Variants in LRRC20 observed in about 807,000 individuals in gnomAD.
LRRC20 encodes leucine rich repeat containing 20.
Under a neutral mutation model 14.4 loss-of-function variants are expected in LRRC20, and 11 were observed. The observed-to-expected ratio is 0.77, with a 90% CI of 0.48 to 1.27. The LOEUF (loss-of-function observed/expected upper bound fraction) is 1.27. LRRC20 is among the 50% of genes most tolerant of loss of function. The probability of loss-of-function intolerance (pLI) is 0.00; values close to 1 mark genes in which losing one functional copy is unlikely to be tolerated. For synonymous variants in LRRC20, 121 were observed against 107.3 expected (o/e 1.13, Z -0.79); for missense variants, 219 against 251.2 (o/e 0.87, Z 0.87).
chr10:70,312,520 T>C lies in LRRC20; in HGVS notation c.401-11012A>G, dbSNP rs577309676. ...CAGAAGCAAATGGAAATAGAACAGC[T>C]CCAGCCCTCAGAGAGCCAGGAGCAC... is the stretch of plus-strand genomic sequence containing the variant. On this transcript the variant is annotated intron_variant, in intron 4 of 4. Coordinates refer to ENST00000446961, the MANE Select transcript of LRRC20 (RefSeq NM_001278212.2). 2.0e-5 allele frequency among the ~76,000 whole-genome samples: 3 copies of C among 152,074 alleles called. No homozygotes were observed. The East Asian group carries it at 5.8e-4, about 29-fold the overall frequency.
intron 2 of LRRC20, among the ~76,000 whole-genome samples, chr10:70,361,703 C>T (rs1843727009): frequency 6.6e-6 from 1 of 152,064 alleles, no homozygotes; most frequent in African/African-American, 2.4e-5. Flanking sequence ...TCATTGGCTC[C>T]CTCCCCCACC....
intron 3 of LRRC20, among the ~76,000 whole-genome samples, chr10:70,330,627 G>A (rs923964331): frequency 1.3e-5 from 2 of 152,128 alleles, no homozygotes; most frequent in Non-Finnish European, 2.9e-5. Context: ...GAGCTCCATG[G>A]GAAGGAAGCA....
At chr10:70,328,444 C>T (rs1842407990) in intron 3 of LRRC20, among the ~76,000 whole-genome samples, 1 of 151,924 alleles carries the variant, frequency 6.6e-6, no homozygotes, top group Non-Finnish European at 1.5e-5. Context: ...TTATAGGCAC[C>T]CACCACCACA....
chr10:70,372,034 A>G (rs1339684309), intron 2 of LRRC20, among the ~76,000 whole-genome samples: 1 of 151,620 alleles, frequency 6.6e-6, no homozygotes, highest in Non-Finnish European at 1.5e-5. Flanking sequence ...GGGATCTCCC[A>G]CTCTGCAGCA....
chr10:70,302,098 G>A (rs1351850254), intron 4 of LRRC20, among the ~76,000 whole-genome samples: 2 of 152,266 alleles, frequency 1.3e-5, no homozygotes, highest in African/African-American at 4.8e-5. Context: ...TGGATCACGA[G>A]GTCAGGATTT....
chr10:70,344,125 C>T (rs1375184696), intron 2 of LRRC20, among the ~76,000 whole-genome samples: 1 of 151,408 alleles, frequency 6.6e-6, no homozygotes, highest in Non-Finnish European at 1.5e-5. Context: ...ATCGCTTGAA[C>T]CCAAGAGGTC....
intron 2 of LRRC20, among the ~76,000 whole-genome samples, chr10:70,368,919 G>C (rs1361562404): frequency 2.0e-5 from 3 of 151,992 alleles, no homozygotes; most frequent in Non-Finnish European, 4.4e-5. Context: ...TACCGTGCCC[G>C]GCCTGAATCT....
chr10:70,313,365 T>C (rs1239680793), intron 4 of LRRC20, among the ~76,000 whole-genome samples: 2 of 152,100 alleles, frequency 1.3e-5, no homozygotes, highest in African/African-American at 4.8e-5. Flanking sequence ...TCCCCTCTCA[T>C]GTGCCTGTGT....
At chr10:70,360,486 G>A (rs764645773) in intron 2 of LRRC20, among the ~76,000 whole-genome samples, 1 of 152,038 alleles carries the variant, frequency 6.6e-6, no homozygotes, top group Non-Finnish European at 1.5e-5. Context: ...GCCAAGGCTG[G>A]AGTGCAGTGG....
At position 70,323,856 on chromosome 10, in the gene LRRC20, C is replaced by G. The variant is rs368865983; in HGVS notation, c.400+7G>C. 25 of 1,614,026 alleles carry G rather than the reference C, an allele frequency of 1.5e-5. No individual in the cohort carries two copies. The African/African-American group carries it at 2.8e-4, about 18-fold the overall frequency. On this transcript the variant is annotated splice_region_variant and intron_variant, in intron 4 of 4. Coordinates refer to ENST00000446961, the MANE Select transcript of LRRC20 (RefSeq NM_001278212.2). ...AGCCCAGGGCCAGGTGGGCCAGGCC[C>G]ACTCACCTACGATCTCGTTCTCCTC...
chr10:70,327,403 C>T lies in LRRC20; in HGVS notation c.233-3373G>A, dbSNP rs1739190037. On this transcript the variant is annotated intron_variant, in intron 3 of 4. Coordinates refer to ENST00000446961, the MANE Select transcript of LRRC20 (RefSeq NM_001278212.2). ...CAGCCTGGCCAACATGGTGAAACCC[C>T]ATCTCTATTAAAAATACAAAAATGA... Among the ~76,000 whole-genome samples the T allele has an allele frequency of 2.0e-5, 3 of 151,828 alleles. No homozygotes were observed. The South Asian group carries it at 6.2e-4, about 32-fold the overall frequency.
chr10:70,370,616 A>G (rs990777288), intron 2 of LRRC20, among the ~76,000 whole-genome samples: 1 of 151,870 alleles, frequency 6.6e-6, no homozygotes, highest in Non-Finnish European at 1.5e-5. Context: ...GGCGGCACAC[A>G]CCTGTAACCC....
In LRRC20 at chr10:70,358,078, T is replaced by C. The variant is rs370108186; in HGVS notation, c.83-17376A>G. On this transcript the variant is annotated intron_variant, in intron 2 of 4. Coordinates refer to ENST00000446961, the MANE Select transcript of LRRC20 (RefSeq NM_001278212.2). ...AGTAGGCAAAGGGTAGAGTTTGACATCTTCTTGAGAACATCGCCCTACAGA... is the reference window on the plus strand; with the variant it reads ...AGTAGGCAAAGGGTAGAGTTTGACACCTTCTTGAGAACATCGCCCTACAGA... Among the ~76,000 whole-genome samples the C allele has an allele frequency of 4.6e-5, 7 of 152,326 alleles. No individual in the cohort carries two copies. The East Asian group carries it at 1.2e-3, about 25-fold the overall frequency.
intron 2 of LRRC20, among the ~76,000 whole-genome samples, chr10:70,343,222 T>C (rs1338478120): frequency 3.3e-5 from 5 of 152,126 alleles, no homozygotes; most frequent in African/African-American, 1.2e-4. Context: ...CCCTGTGTTG[T>C]ATTAATCCCT....
intron 4 of LRRC20, among the ~76,000 whole-genome samples, chr10:70,314,010 A>G (rs1338359750): frequency 6.6e-6 from 1 of 152,220 alleles, no homozygotes; most frequent in Admixed American, 6.5e-5. Context: ...CTTACATGGT[A>G]GCAGGCAAGA....
chr10:70,312,107 G>A (rs1841689327), intron 4 of LRRC20, among the ~76,000 whole-genome samples: 1 of 152,178 alleles, frequency 6.6e-6, no homozygotes, highest in Non-Finnish European at 1.5e-5. Flanking sequence ...TGTCAAGGGA[G>A]GTGAGCACCT....
At chr10:70,356,002 GA>G (rs1198695538) in intron 2 of LRRC20, among the ~76,000 whole-genome samples, 1 of 152,204 alleles carries the variant, frequency 6.6e-6, no homozygotes, top group Non-Finnish European at 1.5e-5. Context: ...CCTCAGAGAA[GA>G]AAGCTGAGCA....
chr10:70,323,380 C>T (rs1298935914), intron 4 of LRRC20, among the ~76,000 whole-genome samples: 1 of 151,994 alleles, frequency 6.6e-6, no homozygotes, highest in African/African-American at 2.4e-5. Context: ...TGGTGAGGGC[C>T]CTGGCAGGCT....
At chr10:70,331,918 C>T (rs1490706502) in intron 3 of LRRC20, among the ~76,000 whole-genome samples, 3 of 152,234 alleles carry the variant, frequency 2.0e-5, no homozygotes, top group African/African-American at 7.2e-5. Flanking sequence ...CCAAGGCTGA[C>T]TCAGAGGCCT....
Sources: allele counts gnomAD v4.1 joint callset (sites outside exome capture counted in the v4.1 genomes callset), GRCh38; gene constraint gnomAD v4.1.1; transcripts MANE v1.5; gene names NCBI Gene and HGNC (gene_info 2026-07-23, HGNC 2026-07-21).